The following SPMIP6 variants were observed in gnomAD, a reference collection of about 807,000 sequenced individuals.
SPMIP6 encodes the protein sperm microtubule inner protein 6.
chr9:34,381,892 C>G, the SPMIP6 span: 1 of 638,712 alleles, frequency 1.6e-6, no homozygotes. The surrounding 1 kb of genome is among the most constrained non-coding windows in gnomAD (Gnocchi z 4.4). Flanking sequence ...AGTTAAGAGC[C>G]CCGGCTCTGG....
the SPMIP6 span, chr9:34,381,322 C>T: frequency 6.2e-7 from 1 of 1,612,808 alleles, no homozygotes; most frequent in Non-Finnish European, 8.5e-7. This position sits in a 1 kb window ranked among gnomAD's most constrained non-coding sequence, Gnocchi z 4.4. Flanking sequence ...CGGCCTTCCC[C>T]AACCCTCTCC....
At chr9:34,391,953 A>G in the SPMIP6 span, among the ~76,000 whole-genome samples, 2 of 147,188 alleles carry the variant, frequency 1.4e-5, no homozygotes, top group South Asian at 2.1e-4. Flanking sequence ...TTGTAGTGTT[A>G]CAATCTAATA....
At chr9:34,390,887 G>A in the SPMIP6 span, among the ~76,000 whole-genome samples, 2 of 152,250 alleles carry the variant, frequency 1.3e-5, no homozygotes, top group South Asian at 2.1e-4. Context: ...CTCCCAAAGT[G>A]CTAGGATTAC....
At chr9:34,391,618 T>A in the SPMIP6 span, among the ~76,000 whole-genome samples, 3 of 152,216 alleles carry the variant, frequency 2.0e-5, no homozygotes, top group African/African-American at 4.8e-5. Context: ...ATTTCTTATT[T>A]GACCCATTAT....
chr9:34,386,587 C>CAAAA, the SPMIP6 span, among the ~76,000 whole-genome samples: 1 of 127,126 alleles, frequency 7.9e-6, no homozygotes, highest in African/African-American at 3.0e-5. Flanking sequence ...GACTTCGTCT[C>CAAAA]AAAAAAAAAA....
chr9:34,392,339 C>T, the SPMIP6 span, among the ~76,000 whole-genome samples: 190 of 152,276 alleles, frequency 1.2e-3, no homozygotes, highest in African/African-American at 4.3e-3. This position sits in a 1 kb window ranked among gnomAD's most constrained non-coding sequence, Gnocchi z 4.6. Context: ...GCTAGAATTA[C>T]AGGTCCTTCT....
At chr9:34,391,996 T>C in the SPMIP6 span, among the ~76,000 whole-genome samples, 5 of 152,182 alleles carry the variant, frequency 3.3e-5, no homozygotes, top group Admixed American at 3.3e-4. Flanking sequence ...CATCTGGTAA[T>C]TCTTTATTTT....
At chr9:34,381,686 A>G in the SPMIP6 span, 1 of 1,391,184 alleles carries the variant, frequency 7.2e-7, no homozygotes, top group Non-Finnish European at 9.3e-7. This position sits in a 1 kb window ranked among gnomAD's most constrained non-coding sequence, Gnocchi z 4.4. Context: ...TGGGCCTGTG[A>G]CAACCCTGTC....
the SPMIP6 span, chr9:34,397,516 T>TG: frequency 6.2e-7 from 1 of 1,614,152 alleles, no homozygotes. Flanking sequence ...AGAAACTTGT[T>TG]GGCTTCCCAG....
chr9:34,397,539 G>A, the SPMIP6 span: 13 of 1,614,076 alleles, frequency 8.1e-6, no homozygotes, highest in South Asian at 1.4e-4. Context: ...ACACAGGGGT[G>A]GGTCCTTATA....
the SPMIP6 span, chr9:34,380,596 CA>C: frequency 1.4e-6 from 2 of 1,442,082 alleles, no homozygotes; most frequent in Non-Finnish European, 1.8e-6. Context: ...GTTTCTTCCT[CA>C]AAAACCCTCT....
the SPMIP6 span, chr9:34,390,051 C>T: frequency 1.3e-5 from 2 of 151,758 alleles, no homozygotes; most frequent in Admixed American, 6.6e-5. Flanking sequence ...TTGGACCAGC[C>T]AATTTGTAGA....
At chr9:34,385,535 CAAA>C in the SPMIP6 span, 7,510 of 291,820 alleles carry the variant, frequency 0.026, no homozygotes, top group East Asian at 0.035. Context: ...AACTCCGTCT[CAAA>C]AAAAAAAAAA....
the SPMIP6 span, among the ~76,000 whole-genome samples, chr9:34,388,932 C>CTT: frequency 0.26 from 28,145 of 109,094 alleles, 3,531 homozygotes; most frequent in East Asian, 0.58. Context: ...CTCTCTCTTT[C>CTT]TTTTTTTTTT....
At chr9:34,381,359 C>A in the SPMIP6 span, 1 of 1,614,054 alleles carries the variant, frequency 6.2e-7, no homozygotes, top group African/African-American at 1.3e-5. This position sits in a 1 kb window ranked among gnomAD's most constrained non-coding sequence, Gnocchi z 4.4. Context: ...GCCCCACTAC[C>A]ACTCTTTACC....
chr9:34,379,212 A>T, the SPMIP6 span: 1 of 1,313,306 alleles, frequency 7.6e-7, no homozygotes, highest in African/African-American at 1.5e-5. The surrounding 1 kb of genome is among the most constrained non-coding windows in gnomAD (Gnocchi z 4.2). Context: ...GCCGTTTTGG[A>T]TCCTCATATG....
chr9:34,393,388 ATCCTTTAGAAGT>A, the SPMIP6 span, among the ~76,000 whole-genome samples: 2 of 152,198 alleles, frequency 1.3e-5, no homozygotes, highest in African/African-American at 4.8e-5. Flanking sequence ...CCCAGAGTAT[ATCCTTTAGAAGT>A]TCCTTTATTG....
At chr9:34,388,755 G>T in the SPMIP6 span, among the ~76,000 whole-genome samples, 14 of 152,008 alleles carry the variant, frequency 9.2e-5, no homozygotes, top group Non-Finnish European at 1.5e-4. Context: ...GTTTTAGAGG[G>T]GTTTTAGGAG....
chr9:34,382,583 T>TAAAA, the SPMIP6 span: 10 of 540,006 alleles, frequency 1.9e-5, no homozygotes, highest in East Asian at 3.2e-5. Flanking sequence ...AGACTCTATC[T>TAAAA]AAAAAAAAAA....
Sources: allele counts gnomAD v4.1 joint callset (sites outside exome capture counted in the v4.1 genomes callset), GRCh38; gene constraint gnomAD v4.1.1; non-coding constraint Gnocchi (gnomAD v3.1); transcripts MANE v1.5; gene names NCBI Gene and HGNC (gene_info 2026-07-23, HGNC 2026-07-21).